Variants in HTR2C observed in about 807,000 individuals in gnomAD.
HTR2C encodes 5-hydroxytryptamine receptor 2C.
In HTR2C, 5 loss-of-function variants were observed where a neutral mutation model predicts 21.0. That is an observed-to-expected ratio of 0.24 (90% CI 0.12 to 0.50). The LOEUF is 0.50. Ranked by LOEUF, HTR2C falls within the 20% of genes least tolerant of loss-of-function variation. The pLI, the probability that HTR2C is intolerant of heterozygous loss-of-function variation, is 0.98. For synonymous variants in HTR2C, 150 were observed against 145.3 expected (o/e 1.03, Z -0.23); for missense variants, 271 against 371.2 (o/e 0.73, Z 2.22).
chrX:114,601,054 TCA>T (rs1247686511), intron 1 of HTR2C, among the ~76,000 whole-genome samples: 1 of 112,185 alleles, frequency 8.9e-6, no homozygotes, highest in African/African-American at 3.2e-5. Context: ...ATTTTAAGAA[TCA>T]GTTTCCAAAT....
chrX:114,701,254 C>A (rs1932481229), intron 2 of HTR2C, among the ~76,000 whole-genome samples: 1 of 112,097 alleles, frequency 8.9e-6, no homozygotes, highest in Admixed American at 9.5e-5. Flanking sequence ...GGCAGACTGC[C>A]TCCTCAAGTG....
In HTR2C at chrX:114,714,302, T is replaced by C. The variant is rs368552985; in HGVS notation, c.-79-12556T>C. ...AAGTAGAAGCCAAGCTTTAGATAGCTACAAAACTGGCCATTACTTCTTATA... is the reference window on the plus strand; with the variant it reads ...AAGTAGAAGCCAAGCTTTAGATAGCCACAAAACTGGCCATTACTTCTTATA... On this transcript the variant is annotated intron_variant, in intron 2 of 5. Coordinates refer to ENST00000276198, the MANE Select transcript of HTR2C (RefSeq NM_000868.4). 1.2e-4 allele frequency among the ~76,000 whole-genome samples: 13 copies of C among 112,311 alleles called. No homozygotes were observed. In the East Asian group the frequency reaches 3.3e-3, roughly 29 times the overall value.
At chrX:114,853,185 A>G (rs1210190999) in intron 5 of HTR2C, among the ~76,000 whole-genome samples, 4 of 111,665 alleles carry the variant, frequency 3.6e-5, no homozygotes, top group African/African-American at 1.3e-4. Context: ...CTTCAGTGCC[A>G]TTGCTAAATC....
chrX:114,766,544 G>A (rs782067059), intron 4 of HTR2C, among the ~76,000 whole-genome samples: 3 of 111,299 alleles, frequency 2.7e-5, no homozygotes, highest in Admixed American at 1.9e-4. Flanking sequence ...AATAAGAATA[G>A]CCTACTTAGC....
chrX:114,644,421 C>G (rs1556407156), intron 2 of HTR2C, among the ~76,000 whole-genome samples: 1 of 72,235 alleles, frequency 1.4e-5, no homozygotes, highest in African/African-American at 5.5e-5. Context: ...CTGAGAAGTT[C>G]TATGTAACTA....
chrX:114,792,329 G>A (rs1339357560), intron 4 of HTR2C, among the ~76,000 whole-genome samples: 2 of 110,593 alleles, frequency 1.8e-5, no homozygotes, highest in Non-Finnish European at 3.8e-5. Context: ...GTGGCCATGT[G>A]TTCTCGTTGT....
At chrX:114,808,923 C>T (rs2070505148) in intron 4 of HTR2C, among the ~76,000 whole-genome samples, 2 of 112,002 alleles carry the variant, frequency 1.8e-5, no homozygotes, top group African/African-American at 6.5e-5. Context: ...GCCACCACCA[C>T]TGGGACTGTA....
rs184206397 is a variant in HTR2C at position 114,729,811 on chromosome X, G to A, written c.36-1483G>A. Among the ~76,000 whole-genome samples the A allele has an allele frequency of 4.8e-3, 532 of 110,723 alleles. 4 individuals carry two copies. Among genetic ancestry groups the A allele is most frequent in the African/African-American group, 0.016 (500 of 30,593 alleles). ...ATAATGACATAAAAATACATAATATGGAGAACACATAGACTCTGAATGTTA... is the reference window on the plus strand; with the variant it reads ...ATAATGACATAAAAATACATAATATAGAGAACACATAGACTCTGAATGTTA... On this transcript the variant is annotated intron_variant, in intron 3 of 5. Coordinates refer to ENST00000276198, the MANE Select transcript of HTR2C (RefSeq NM_000868.4).
chrX:114,708,404 A>G (rs1253038544), intron 2 of HTR2C, among the ~76,000 whole-genome samples: 1 of 112,243 alleles, frequency 8.9e-6, no homozygotes, highest in Non-Finnish European at 1.9e-5. Flanking sequence ...AATGCAGCAT[A>G]CATGTGTCTT....
chrX:114,666,132 C>A (rs782604261), intron 2 of HTR2C, among the ~76,000 whole-genome samples: 6 of 111,766 alleles, frequency 5.4e-5, no homozygotes, highest in African/African-American at 9.7e-5. Flanking sequence ...CTTCTCACTT[C>A]GTGCTGCTGA....
At chrX:114,650,093 A>G (rs1405168538) in intron 2 of HTR2C, among the ~76,000 whole-genome samples, 1 of 112,007 alleles carries the variant, frequency 8.9e-6, no homozygotes, top group Non-Finnish European at 1.9e-5. Context: ...GAGAATGAAC[A>G]CAAAGTGGAT....
At chrX:114,893,392 G>A (rs2071273499) in intron 5 of HTR2C, among the ~76,000 whole-genome samples, 1 of 111,273 alleles carries the variant, frequency 9.0e-6, no homozygotes, top group African/African-American at 3.3e-5. Flanking sequence ...AAATAGTCCA[G>A]AAATATACTC....
At chrX:114,672,148 A>C (rs1931401858) in intron 2 of HTR2C, among the ~76,000 whole-genome samples, 1 of 112,287 alleles carries the variant, frequency 8.9e-6, no homozygotes, top group Non-Finnish European at 1.9e-5. Context: ...AAATCTGAAA[A>C]GTAGAGTAAC....
At chrX:114,626,702 G>A (rs1929393335) in intron 2 of HTR2C, among the ~76,000 whole-genome samples, 1 of 112,219 alleles carries the variant, frequency 8.9e-6, no homozygotes, top group Admixed American at 9.5e-5. Flanking sequence ...ATTCCTAAAG[G>A]GGGCACTAAA....
At position 114,908,205 on chromosome X, in the gene HTR2C, A is replaced by C. The variant is rs1442845150; in HGVS notation, c.*790A>C. The C allele has an allele frequency of 1.8e-5, 2 of 112,463 alleles. No homozygotes were observed. Among genetic ancestry groups the C allele is most frequent in the Non-Finnish European group, 3.8e-5 (2 of 53,173 alleles). The allele number at this position is 112,463 out of a possible 1,213,427, so 9.3% of individuals were successfully genotyped here. On this transcript the variant is annotated 3_prime_UTR_variant, in exon 6 of 6. Coordinates refer to ENST00000276198, the MANE Select transcript of HTR2C (RefSeq NM_000868.4). ...AGTGTTTTCATTCTGGTCCTTAGTA[A>C]ATTCCTAATTCTATGATTAAACTGG...
chrX:114,895,789 A>T (rs1404136594), intron 5 of HTR2C, among the ~76,000 whole-genome samples: 6 of 110,848 alleles, frequency 5.4e-5, no homozygotes, highest in African/African-American at 1.6e-4. Context: ...GGATTTCGAG[A>T]CCAGCTTGGC....
intron 4 of HTR2C, among the ~76,000 whole-genome samples, chrX:114,735,607 G>A (rs181926333): frequency 1.8e-4 from 20 of 110,697 alleles, no homozygotes; most frequent in South Asian, 7.6e-4. Context: ...GAATCATTTC[G>A]TTGATTCTTC....
intron 4 of HTR2C, among the ~76,000 whole-genome samples, chrX:114,738,651 C>T (rs1794957983): frequency 1.8e-5 from 2 of 110,239 alleles, no homozygotes; most frequent in African/African-American, 6.6e-5. Context: ...ATAGAGGGGG[C>T]AATGGGAGGG....
chrX:114,678,827 T>G (rs1389253154), intron 2 of HTR2C, among the ~76,000 whole-genome samples: 2 of 111,732 alleles, frequency 1.8e-5, no homozygotes. Flanking sequence ...TCCATTTTTA[T>G]TATGTAACTA....
Sources: gnomAD v4.1 joint callset for allele counts (sites outside exome capture counted in the v4.1 genomes callset) on GRCh38, gnomAD v4.1.1 for gene constraint, MANE v1.5 for transcripts, NCBI Gene and HGNC (gene_info 2026-07-23, HGNC 2026-07-21) for gene names.